The following GMDS variants were observed in gnomAD, a reference collection of about 807,000 sequenced individuals.
GMDS encodes the protein GDP-mannose 4,6-dehydratase, also known as GDP-mannose 4,6 dehydratase.
GMDS carries 20 observed loss-of-function variants against 49.9 expected under a neutral mutation model. The observed-to-expected ratio is 0.40, with a 90% CI of 0.28 to 0.58. GMDS has a LOEUF of 0.58. Among genes scored for constraint, GMDS ranks in the 20% least tolerant of loss-of-function variants. The pLI, the probability that GMDS is intolerant of heterozygous loss-of-function variation, is 0.42. For missense variants in GMDS, 362 were observed against 481.4 expected (o/e 0.75, Z 2.32); for synonymous variants, 177 against 178.6 (o/e 0.99, Z 0.07).
At chr6:1,933,569 C>T (rs757212681) in intron 6 of GMDS, among the ~76,000 whole-genome samples, 7 of 152,208 alleles carry the variant, frequency 4.6e-5, no homozygotes, top group Non-Finnish European at 8.8e-5. Flanking sequence ...CTAGTTGGCA[C>T]CGAGTGGTAT....
chr6:1,666,696 C>G (rs1321438963), intron 9 of GMDS, among the ~76,000 whole-genome samples: 1 of 152,228 alleles, frequency 6.6e-6, no homozygotes, highest in African/African-American at 2.4e-5. Flanking sequence ...AAGCTGGTCC[C>G]TCTCTGGAGG....
rs548171988 is a variant in GMDS at position 1,951,578 on chromosome 6, G to A, written c.643+8289C>T. 9.2e-5 allele frequency among the ~76,000 whole-genome samples: 14 copies of A among 152,134 alleles called. No homozygotes were observed. The East Asian group carries it at 2.7e-3, about 29-fold the overall frequency. Reference sequence around the variant, plus strand: ...TTAATGTTTTATTTTTTATTTTGTGGTAGGGATGAGGTTTCACTATATTGC... The same window carrying A: ...TTAATGTTTTATTTTTTATTTTGTGATAGGGATGAGGTTTCACTATATTGC... On this transcript the variant is annotated intron_variant, in intron 6 of 10. Coordinates refer to ENST00000380815, the MANE Select transcript of GMDS (RefSeq NM_001500.4).
intron 4 of GMDS, among the ~76,000 whole-genome samples, chr6:2,090,638 C>T (rs993443744): frequency 2.6e-5 from 4 of 152,114 alleles, no homozygotes; most frequent in African/African-American, 9.7e-5. Context: ...ATCCTTGTTT[C>T]TCAATCTTAA....
intron 2 of GMDS, among the ~76,000 whole-genome samples, chr6:2,122,162 C>A (rs1247990452): frequency 6.6e-6 from 1 of 152,168 alleles, no homozygotes; most frequent in Admixed American, 6.5e-5. Context: ...TCTTAGGGTA[C>A]CGTGTTCAAC....
intron 9 of GMDS, among the ~76,000 whole-genome samples, chr6:1,657,139 G>A (rs2030852463): frequency 6.6e-6 from 1 of 152,200 alleles, no homozygotes; most frequent in South Asian, 2.1e-4. Flanking sequence ...ATGGATGGCT[G>A]ACCACGAATC....
chr6:1,758,098 GC>G, intron 7 of GMDS, among the ~76,000 whole-genome samples: 1 of 152,324 alleles, frequency 6.6e-6, no homozygotes, highest in Admixed American at 6.5e-5. Context: ...TACAGAGCCA[GC>G]CTTATGTTCA....
intron 1 of GMDS, among the ~76,000 whole-genome samples, chr6:2,142,078 C>A (rs1054776213): frequency 1.3e-5 from 2 of 152,162 alleles, no homozygotes; most frequent in African/African-American, 4.8e-5. Context: ...TAAATTATGG[C>A]ACTTGAACAA....
chr6:1,660,327 C>A (rs533764015), intron 9 of GMDS, among the ~76,000 whole-genome samples: 5 of 151,974 alleles, frequency 3.3e-5, no homozygotes, highest in Non-Finnish European at 7.4e-5. Context: ...TTAAAAACAT[C>A]CAGAGTTAAT....
intron 1 of GMDS, among the ~76,000 whole-genome samples, chr6:2,232,226 C>A (rs1290696512): frequency 3.3e-5 from 5 of 151,868 alleles, no homozygotes; most frequent in Admixed American, 2.0e-4. Context: ...TTCAAAATAA[C>A]CTAGCCACCA....
chr6:1,839,763 T>C (rs190683713), intron 7 of GMDS, among the ~76,000 whole-genome samples: 22 of 152,228 alleles, frequency 1.4e-4, no homozygotes, highest in South Asian at 6.2e-4. Flanking sequence ...ATGCTACCCA[T>C]GGAAGGGGCA....
chr6:1,947,754 T>C (rs1763149454), intron 6 of GMDS, among the ~76,000 whole-genome samples: 1 of 152,218 alleles, frequency 6.6e-6, no homozygotes, highest in African/African-American at 2.4e-5. Context: ...TATCTGGGAA[T>C]TAGCCCATAA....
intron 1 of GMDS, among the ~76,000 whole-genome samples, chr6:2,222,471 C>T (rs1269885252): frequency 1.3e-5 from 2 of 152,186 alleles, no homozygotes; most frequent in Non-Finnish European, 2.9e-5. Flanking sequence ...TTATTGGGTA[C>T]TCATCAGGTG....
chr6:1,655,405 T>G (rs1186890198), intron 9 of GMDS, among the ~76,000 whole-genome samples: 1 of 152,166 alleles, frequency 6.6e-6, no homozygotes, highest in Non-Finnish European at 1.5e-5. Flanking sequence ...ATATATTCTT[T>G]TTTCAATTGA....
intron 7 of GMDS, among the ~76,000 whole-genome samples, chr6:1,902,618 C>T (rs1760552918): frequency 1.3e-5 from 2 of 152,052 alleles, no homozygotes; most frequent in Admixed American, 6.6e-5. Flanking sequence ...GATACTTCAA[C>T]CACAAGATAA....
chr6:2,226,153 C>T (rs1412620578), intron 1 of GMDS, among the ~76,000 whole-genome samples: 3 of 152,216 alleles, frequency 2.0e-5, no homozygotes, highest in Admixed American at 6.5e-5. Context: ...CAGGCCATCC[C>T]AGTTTTCACT....
chr6:1,683,996 A>ATTTTTTT (rs1561726044), intron 9 of GMDS, among the ~76,000 whole-genome samples: 3 of 66,522 alleles, frequency 4.5e-5, no homozygotes, highest in Non-Finnish European at 7.4e-5. Flanking sequence ...TCTATCAGCT[A>ATTTTTTT]TGAGGGTGGG....
chr6:2,132,344 G>C (rs753197569), intron 1 of GMDS, among the ~76,000 whole-genome samples: 1 of 152,118 alleles, frequency 6.6e-6, no homozygotes, highest in Non-Finnish European at 1.5e-5. Flanking sequence ...TGGACCATAG[G>C]TGTTATGGGA....
intron 7 of GMDS, among the ~76,000 whole-genome samples, chr6:1,912,437 A>G (rs1400669015): frequency 6.6e-6 from 1 of 152,208 alleles, no homozygotes; most frequent in East Asian, 1.9e-4. Context: ...AGTTCTTTCT[A>G]TGTGATAGGT....
chr6:1,872,673 A>G (rs1758833342), intron 7 of GMDS, among the ~76,000 whole-genome samples: 1 of 152,268 alleles, frequency 6.6e-6, no homozygotes, highest in South Asian at 2.1e-4. Context: ...TAAGTCAAAG[A>G]GCAAGCAATT....
Sources: gnomAD v4.1 joint callset for allele counts (sites outside exome capture counted in the v4.1 genomes callset) on GRCh38, gnomAD v4.1.1 for gene constraint, MANE v1.5 for transcripts, NCBI Gene and HGNC (gene_info 2026-07-23, HGNC 2026-07-21) for gene names.